MEF2C: variants seen among roughly 807,000 people sequenced by gnomAD.
MEF2C encodes the protein myocyte enhancer factor 2C.
Under a neutral mutation model 50.5 loss-of-function variants are expected in MEF2C, and 6 were observed. The observed-to-expected ratio is 0.12, with a 90% CI of 0.07 to 0.23. The LOEUF (loss-of-function observed/expected upper bound fraction) is 0.23. MEF2C is among the 10% of genes least tolerant of loss of function. The pLI is 1.00. For synonymous variants in MEF2C, 183 were observed against 228.0 expected, an observed-to-expected ratio of 0.80 and a Z score of 1.78; for missense variants, 276 against 605.0, an observed-to-expected ratio of 0.46 and a Z score of 5.70.
chr5:88,864,412 G>A (rs759502243), intron 1 of MEF2C, among the ~76,000 whole-genome samples: 5 of 151,766 alleles, frequency 3.3e-5, no homozygotes, highest in East Asian at 1.9e-4. Context: ...CAGGCAGCTC[G>A]GAGAAACTGC....
In MEF2C at chr5:88,751,880, C is replaced by T. The variant is rs777918857; in HGVS notation, c.566G>A (p.Arg189Gln). The change falls in exon 5 of 11, where the codon CGA becomes CAA. Residue 189 changes from arginine (R) to glutamine (Q), a missense_variant. Physicochemically the swap from Arg to Gln is conservative, Grantham distance 43. Transcript: ENST00000504921. ...RNSMSPGVTH[R>Q]PPSAGNTGGL... is the part of the protein sequence containing the mutation. ...ACCTGTGTTACCTGCACTTGGAGGT[C>T]GATGTGTTACACCAGGAGACATACT... 2 of 1,613,774 alleles carry T rather than the reference C, an allele frequency of 1.2e-6. No individual in the cohort carries two copies. The highest frequency in any genetic ancestry group is 1.1e-5 in the South Asian group (1 of 91,030).
intron 1 of MEF2C, among the ~76,000 whole-genome samples, chr5:88,841,970 A>G (rs1817548799): frequency 6.6e-6 from 1 of 152,140 alleles, no homozygotes; most frequent in Non-Finnish European, 1.5e-5. Context: ...TTTAAGCCTT[A>G]TTTCTTAGAA....
intron 6 of MEF2C, chr5:88,741,754 C>T (rs1766933817): frequency 4.1e-6 from 4 of 984,916 alleles, no homozygotes; most frequent in South Asian, 4.7e-5. Context: ...GGTGGGTGGA[C>T]TCTAAGGTCA....
intron 5 of MEF2C, chr5:88,750,285 C>T (rs1009473474): frequency 2.0e-4 from 32 of 159,462 alleles, no homozygotes; most frequent in Admixed American, 9.9e-4. Context: ...CTCACTGCAG[C>T]CTCAACCTCC....
intron 1 of MEF2C, among the ~76,000 whole-genome samples, chr5:88,867,123 T>C (rs1399153932): frequency 4.6e-5 from 7 of 152,216 alleles, no homozygotes; most frequent in Non-Finnish European, 2.9e-5. Context: ...TATATGTTTT[T>C]CTCACTTCAC....
intron 1 of MEF2C, chr5:88,888,985 C>T (rs1834255374): frequency 6.6e-6 from 1 of 152,140 alleles, no homozygotes; most frequent in Admixed American, 6.5e-5. Flanking sequence ...TTCACACTTC[C>T]CCTTTTAACT....
intron 1 of MEF2C, among the ~76,000 whole-genome samples, chr5:88,875,913 G>GC (rs1302251441): frequency 6.6e-6 from 1 of 151,822 alleles, no homozygotes; most frequent in Non-Finnish European, 1.5e-5. Flanking sequence ...GCCAGTACCT[G>GC]CCCTGCATAT....
At position 88,895,925 on chromosome 5, in the gene MEF2C, G is replaced by C. The variant is rs577252849; in HGVS notation, c.-240+7991C>G. Among the ~76,000 whole-genome samples, 4 of 152,270 alleles carry C rather than the reference G, an allele frequency of 2.6e-5. No individual in the cohort carries two copies. The South Asian group carries it at 8.3e-4, about 32-fold the overall frequency. On this transcript the variant is annotated intron_variant, in intron 1 of 11. Coordinates refer to the MEF2C transcript ENST00000340208. ...ACTTTAAATGAACCTCTCTTCAAAA[G>C]TTTTCTGAAAAGAATTCATAATCCA...
intron 3 of MEF2C, chr5:88,775,953 A>G (rs1288563777): frequency 7.1e-6 from 2 of 281,636 alleles, no homozygotes; most frequent in Admixed American, 1.3e-4. Flanking sequence ...TTATAACTTT[A>G]AAAGGAATGA....
At chr5:88,900,580 G>C (rs1427369565) in intron 1 of MEF2C, among the ~76,000 whole-genome samples, 1 of 151,648 alleles carries the variant, frequency 6.6e-6, no homozygotes, top group African/African-American at 2.4e-5. Flanking sequence ...TTGTACCATA[G>C]ATGTTTTAGT....
In MEF2C at chr5:88,731,766, A is replaced by T. The variant is rs1268731100; in HGVS notation, c.773T>A (p.Leu258His). The T allele has an allele frequency of 6.2e-7, 1 of 1,613,444 alleles. No homozygotes were observed. The highest frequency in any genetic ancestry group is 8.5e-7 in the Non-Finnish European group (1 of 1,179,476). Residue 258 changes from leucine (L) to histidine (H), a missense_variant, in exon 7 of 11, where the codon CTT becomes CAT. This residue lies in a region of MEF2C where 256 missense variants were observed against 468.1 expected (regional missense o/e 0.55). Transcript: ENST00000504921. ...MNNRKPDLRV[L>H]IPPGSKNTMP... The stretch of plus-strand genomic sequence containing the variant: ...CGTATTCTTGCTGCCTGGTGGAATA[A>T]GAACTCGGAGATCTGGTTTACGGTT...
intron 7 of MEF2C, among the ~76,000 whole-genome samples, chr5:88,730,945 G>T (rs1200845751): frequency 6.6e-6 from 1 of 152,146 alleles, no homozygotes; most frequent in African/African-American, 2.4e-5. Context: ...CTAATTTGTA[G>T]AACACTGATG....
At chr5:88,794,601 C>T (rs1470475930) in intron 3 of MEF2C, among the ~76,000 whole-genome samples, 1 of 152,144 alleles carries the variant, frequency 6.6e-6, no homozygotes, top group East Asian at 1.9e-4. Context: ...TGCCTGTTCA[C>T]TCTGATGATC....
At chr5:88,812,098 C>CGGA (rs377146351) in intron 2 of MEF2C, among the ~76,000 whole-genome samples, 223 of 152,214 alleles carry the variant, frequency 1.5e-3, no homozygotes, top group African/African-American at 5.2e-3. Flanking sequence ...CAGGCTTAGT[C>CGGA]GCTCCTTGAA....
At chr5:88,758,946 C>A (rs679232) in intron 4 of MEF2C, among the ~76,000 whole-genome samples, 74,143 of 152,008 alleles carry the variant, frequency 0.49, 19,382 homozygotes, top group East Asian at 0.58. Flanking sequence ...GTATGAGAAA[C>A]AAGATCCAAT....
intron 1 of MEF2C, chr5:88,881,223 T>C (rs527464373): frequency 6.6e-6 from 1 of 152,310 alleles, no homozygotes; most frequent in East Asian, 1.9e-4. Context: ...GCAGAATACA[T>C]AGCTAAATGT....
chr5:88,735,003 G>A (rs775921186), intron 6 of MEF2C: 192 of 985,178 alleles, frequency 1.9e-4, no homozygotes, highest in Middle Eastern at 5.2e-4. Flanking sequence ...TTTTGGAGCC[G>A]TATAATAACC....
intron 1 of MEF2C, among the ~76,000 whole-genome samples, chr5:88,880,438 A>T (rs1832469465): frequency 6.6e-6 from 1 of 152,018 alleles, no homozygotes; most frequent in African/African-American, 2.4e-5. Flanking sequence ...CATTTTTGTC[A>T]CTTTCTGAGA....
intron 1 of MEF2C, among the ~76,000 whole-genome samples, chr5:88,877,204 T>C (rs1396669305): frequency 6.6e-6 from 1 of 152,086 alleles, no homozygotes; most frequent in African/African-American, 2.4e-5. Context: ...TTATTGCTTG[T>C]AATGTCGTCA....
Sources: allele counts gnomAD v4.1 joint callset (sites outside exome capture counted in the v4.1 genomes callset), GRCh38; gene constraint gnomAD v4.1.1; regional missense constraint gnomAD v4.1.1; transcripts MANE v1.5; gene names NCBI Gene and HGNC (gene_info 2026-07-23, HGNC 2026-07-21).